The following ST6GAL2 variants were observed in gnomAD, a reference collection of about 807,000 sequenced individuals.
ST6GAL2 encodes ST6 beta-galactoside alpha-2,6-sialyltransferase 2.
Under a neutral mutation model 37.5 loss-of-function variants are expected in ST6GAL2, and 24 were observed. The ratio of observed to expected loss-of-function variants is 0.64; its 90% CI spans 0.46 to 0.90. ST6GAL2 has a LOEUF of 0.90. Among genes scored for constraint, ST6GAL2 ranks in the 40% least tolerant of loss-of-function variants. The probability of loss-of-function intolerance (pLI) is 0.00; values close to 1 mark genes in which losing one functional copy is unlikely to be tolerated. For missense variants in ST6GAL2, 715 were observed against 712.7 expected, an observed-to-expected ratio of 1.00 and a Z score of -0.04; for synonymous variants, 306 against 295.1, an observed-to-expected ratio of 1.04 and a Z score of -0.38.
At chr2:106,850,984 C>T (rs1677336158) in intron 1 of ST6GAL2, among the ~76,000 whole-genome samples, 1 of 152,180 alleles carries the variant, frequency 6.6e-6, no homozygotes, top group Admixed American at 6.5e-5. Flanking sequence ...TTCACATGTG[C>T]TTTGTCTACG....
intron 1 of ST6GAL2, among the ~76,000 whole-genome samples, chr2:106,859,799 C>T (rs950474407): frequency 2.0e-5 from 3 of 152,090 alleles, no homozygotes; most frequent in East Asian, 1.9e-4. Context: ...ATGCAGCAGT[C>T]GGAGTGACAC....
intron 5 of ST6GAL2, among the ~76,000 whole-genome samples, chr2:106,818,530 T>G (rs1375486218): frequency 6.6e-6 from 1 of 152,208 alleles, no homozygotes; most frequent in Non-Finnish European, 1.5e-5. Context: ...TGCCCCTTAA[T>G]GCAGATACAG....
intron 5 of ST6GAL2, among the ~76,000 whole-genome samples, chr2:106,824,647 A>G (rs1676135358): frequency 6.6e-6 from 1 of 152,176 alleles, no homozygotes; most frequent in South Asian, 2.1e-4. Flanking sequence ...AAACAAACAA[A>G]CAGAAACATC....
In ST6GAL2 at chr2:106,803,205, C is replaced by G. The variant is rs536758928; in HGVS notation, c.*3473G>C. 6.6e-6 allele frequency: 1 copy of G among 152,242 alleles called. No individual in the cohort carries two copies. The highest frequency in any genetic ancestry group is 6.5e-5 in the Admixed American group (1 of 15,294). The allele number at this position is 152,242 out of a possible 1,614,324, so 9.4% of individuals were successfully genotyped here. On this transcript the variant is annotated 3_prime_UTR_variant, in exon 6 of 6. Coordinates refer to ENST00000409382, the MANE Select transcript of ST6GAL2 (RefSeq NM_001142351.2). ...TTTGCAGATGCTATGGCTACAATGACTGAGGACTACTGGAGAGTCCAGGAT... is the reference window on the plus strand; with the variant it reads ...TTTGCAGATGCTATGGCTACAATGAGTGAGGACTACTGGAGAGTCCAGGAT...
Position 106,843,462 on chromosome 2 carries a change from C to A in ST6GAL2, c.516G>T (p.Arg172=). The change falls in exon 2 of 6, where the codon CGG becomes CGT. Residue 172 remains arginine, a synonymous_variant. Transcript: ENST00000409382. ...TCTGCCTCCGGTGCCTCTTCTTCAC[C>A]CGCCTCCTCTGGACCTGTGCAGCCG... The part of the protein sequence containing the change: ...AFPAAQVQRR[R]VKKRHRRQRR... The A allele has an allele frequency of 6.2e-7, 1 of 1,614,146 alleles. No individual in the cohort carries two copies. Among genetic ancestry groups the A allele is most frequent in the Non-Finnish European group, 8.5e-7 (1 of 1,180,024 alleles).
intron 3 of ST6GAL2, among the ~76,000 whole-genome samples, chr2:106,833,747 T>C (rs544628772): frequency 2.6e-5 from 4 of 152,332 alleles, no homozygotes; most frequent in East Asian, 1.9e-4. Flanking sequence ...ATTTAACTTT[T>C]GTCAGTTCAC....
Position 106,829,997 on chromosome 2 carries a change from A to G in ST6GAL2, c.1318+69T>C. 1.4e-6 allele frequency: 2 copies of G among 1,406,658 alleles called. 1 individual carries two copies. Among genetic ancestry groups the G allele is most frequent in the South Asian group, 2.4e-5 (2 of 84,996 alleles). 87.1% of individuals were successfully genotyped at this position (1,406,658 alleles called of 1,614,324 possible). A position where few individuals can be genotyped will look rare whatever the true frequency, so the allele number is the denominator to read the frequency against. On this transcript the variant is annotated intron_variant, in intron 5 of 5. Transcript: ENST00000409382. ...TTTTCAACCTGTATAACACGACTGTATATTTGTTAAATATTAGATATCATC... is the reference window on the plus strand; with the variant it reads ...TTTTCAACCTGTATAACACGACTGTGTATTTGTTAAATATTAGATATCATC...
chr2:106,851,742 G>A (rs1369854049), intron 1 of ST6GAL2, among the ~76,000 whole-genome samples: 1 of 150,672 alleles, frequency 6.6e-6, no homozygotes, highest in East Asian at 1.9e-4. Context: ...TTTTCTGTGG[G>A]TCTGAGACAC....
intron 1 of ST6GAL2, among the ~76,000 whole-genome samples, chr2:106,866,318 CTCTG>C (rs1678023373): frequency 6.6e-6 from 1 of 152,198 alleles, no homozygotes; most frequent in Non-Finnish European, 1.5e-5. Context: ...TTCTCAATAA[CTCTG>C]TCTTTGACTT....
chr2:106,876,410 T>C (rs912353094), intron 1 of ST6GAL2, among the ~76,000 whole-genome samples: 2 of 152,232 alleles, frequency 1.3e-5, no homozygotes, highest in African/African-American at 2.4e-5. Flanking sequence ...GTTTCAATGA[T>C]GAACAAATAT....
intron 5 of ST6GAL2, among the ~76,000 whole-genome samples, chr2:106,829,065 T>A (rs1300128826): frequency 1.3e-5 from 2 of 152,224 alleles, no homozygotes; most frequent in Non-Finnish European, 2.9e-5. Flanking sequence ...CTACTCATAA[T>A]CTTGAAACAC....
intron 1 of ST6GAL2, among the ~76,000 whole-genome samples, chr2:106,869,576 T>C (rs928774980): frequency 2.6e-5 from 4 of 152,196 alleles, no homozygotes; most frequent in Non-Finnish European, 5.9e-5. Flanking sequence ...CGCCCCCTCC[T>C]GCTGCTGCTT....
intron 5 of ST6GAL2, among the ~76,000 whole-genome samples, chr2:106,826,314 T>C (rs1676201892): frequency 6.6e-6 from 1 of 152,160 alleles, no homozygotes; most frequent in Admixed American, 6.5e-5. Context: ...CTTTTACTCA[T>C]GGTGGAAGGC....
chr2:106,834,065 C>T lies in ST6GAL2; in HGVS notation c.1025G>A (p.Arg342His), dbSNP rs758951633. 4.3e-6 allele frequency: 7 copies of T among 1,612,330 alleles called. No individual in the cohort carries two copies. Among genetic ancestry groups the T allele is most frequent in the African/African-American group, 2.7e-5 (2 of 74,862 alleles). ...CTGTCTTACCTGCGAATTAATGATGCGTATGGTGGTTTTATTCCCAACATC... is the reference window on the plus strand; with the variant it reads ...CTGTCTTACCTGCGAATTAATGATGTGTATGGTGGTTTTATTCCCAACATC... ...EKDVGNKTTI[R>H]IINSQILTNP... The change falls in exon 3 of 6, where the codon CGC (arginine) becomes CAC (histidine). Residue 342 changes from arginine to histidine, a missense_variant. Coordinates refer to ENST00000409382, the MANE Select transcript of ST6GAL2 (RefSeq NM_001142351.2).
At chr2:106,871,877 A>G (rs1234454358) in intron 1 of ST6GAL2, among the ~76,000 whole-genome samples, 1 of 152,240 alleles carries the variant, frequency 6.6e-6, no homozygotes, top group Non-Finnish European at 1.5e-5. Context: ...AATACACTCT[A>G]AAAGAACGAT....
At chr2:106,880,624 T>C (rs1053603502) in intron 1 of ST6GAL2, among the ~76,000 whole-genome samples, 2 of 152,246 alleles carry the variant, frequency 1.3e-5, no homozygotes, top group African/African-American at 4.8e-5. Flanking sequence ...GTATCCTATT[T>C]ATAATAAACT....
intron 3 of ST6GAL2, among the ~76,000 whole-genome samples, chr2:106,833,732 T>C (rs1676518888): frequency 6.6e-6 from 1 of 152,200 alleles, no homozygotes; most frequent in African/African-American, 2.4e-5. Context: ...TGCCATTTCT[T>C]CTAAATTTAA....
intron 1 of ST6GAL2, among the ~76,000 whole-genome samples, chr2:106,881,163 T>G (rs1434473227): frequency 2.0e-5 from 3 of 151,948 alleles, no homozygotes; most frequent in Non-Finnish European, 4.4e-5. Flanking sequence ...TTTTTGAAAA[T>G]TTTTTTGTAG....
chr2:106,813,360 G>C, intron 5 of ST6GAL2: 1 of 532,852 alleles, frequency 1.9e-6, no homozygotes, highest in Non-Finnish European at 2.8e-6. Context: ...CATTTAAAAA[G>C]CATTTCTACT....
Sources: gnomAD v4.1 joint callset for allele counts (sites outside exome capture counted in the v4.1 genomes callset) on GRCh38, gnomAD v4.1.1 for gene constraint, MANE v1.5 for transcripts, NCBI Gene and HGNC (gene_info 2026-07-23, HGNC 2026-07-21) for gene names.